ARB2A: variants seen among roughly 807,000 people sequenced by gnomAD.
ARB2A encodes cotranscriptional regulator ARB2A.
the ARB2A span, among the ~76,000 whole-genome samples, chr5:93,801,741 C>T: frequency 6.6e-6 from 1 of 151,966 alleles, no homozygotes. Flanking sequence ...AAAAAAAATT[C>T]CACCCAGCAC....
chr5:93,635,291 C>T, the ARB2A span, among the ~76,000 whole-genome samples: 1 of 152,094 alleles, frequency 6.6e-6, no homozygotes, highest in African/African-American at 2.4e-5. Flanking sequence ...TCAATATTTA[C>T]AAACTAGTTA....
At chr5:93,834,846 T>A in the ARB2A span, among the ~76,000 whole-genome samples, 1 of 152,156 alleles carries the variant, frequency 6.6e-6, no homozygotes, top group Non-Finnish European at 1.5e-5. Flanking sequence ...TTATCAGCAG[T>A]GTATTTTGAG....
chr5:93,754,520 C>G, the ARB2A span, among the ~76,000 whole-genome samples: 1 of 152,238 alleles, frequency 6.6e-6, no homozygotes, highest in Non-Finnish European at 1.5e-5. Context: ...CTTCTCCAAA[C>G]ACAGCCCCAG....
chr5:94,090,064 A>G, the ARB2A span, among the ~76,000 whole-genome samples: 1 of 152,320 alleles, frequency 6.6e-6, no homozygotes, highest in African/African-American at 2.4e-5. Flanking sequence ...TGGAATAAAT[A>G]TTCATCTGAC....
the ARB2A span, among the ~76,000 whole-genome samples, chr5:94,000,067 T>C: frequency 2.0e-5 from 3 of 152,124 alleles, no homozygotes; most frequent in Non-Finnish European, 4.4e-5. Context: ...CATTCGCCTA[T>C]TGAAGACCAT....
chr5:93,895,117 G>T, the ARB2A span, among the ~76,000 whole-genome samples: 1 of 152,150 alleles, frequency 6.6e-6, no homozygotes, highest in Non-Finnish European at 1.5e-5. Context: ...GTATCAAACA[G>T]TAATAAAGAG....
chr5:93,829,838 A>C, the ARB2A span, among the ~76,000 whole-genome samples: 6 of 152,208 alleles, frequency 3.9e-5, no homozygotes, highest in African/African-American at 1.4e-4. Context: ...AAAAATGAGG[A>C]TAGTGGTTAA....
At chr5:93,656,830 T>A in the ARB2A span, among the ~76,000 whole-genome samples, 1 of 151,890 alleles carries the variant, frequency 6.6e-6, no homozygotes, top group Non-Finnish European at 1.5e-5. Flanking sequence ...TTAAACTTAG[T>A]TTTGGAGGAC....
the ARB2A span, among the ~76,000 whole-genome samples, chr5:93,625,313 A>G: frequency 6.6e-6 from 1 of 152,338 alleles, no homozygotes; most frequent in East Asian, 1.9e-4. Flanking sequence ...TCAGGACAGT[A>G]AAAGCACGGC....
chr5:93,857,195 G>A, the ARB2A span, among the ~76,000 whole-genome samples: 3 of 152,156 alleles, frequency 2.0e-5, no homozygotes, highest in Admixed American at 2.0e-4. Context: ...TGCCCCTACT[G>A]GGTGGTGCCT....
the ARB2A span, among the ~76,000 whole-genome samples, chr5:93,644,789 T>C: frequency 6.6e-6 from 1 of 152,190 alleles, no homozygotes; most frequent in Non-Finnish European, 1.5e-5. Flanking sequence ...TGTCAACAAA[T>C]ACAATGACCT....
chr5:93,917,163 G>A, the ARB2A span, among the ~76,000 whole-genome samples: 1 of 152,042 alleles, frequency 6.6e-6, no homozygotes, highest in African/African-American at 2.4e-5. Context: ...CAGTGGCTAG[G>A]GCTAGCATTT....
chr5:94,025,606 T>G, the ARB2A span, among the ~76,000 whole-genome samples: 1 of 152,098 alleles, frequency 6.6e-6, no homozygotes, highest in African/African-American at 2.4e-5. Context: ...GCGAAACCAA[T>G]AGCAGTGAAG....
chr5:94,038,217 C>A, the ARB2A span, among the ~76,000 whole-genome samples: 2 of 152,024 alleles, frequency 1.3e-5, no homozygotes, highest in Non-Finnish European at 2.9e-5. Flanking sequence ...GATAAAATTT[C>A]ACAAGTTACA....
At chr5:93,909,598 T>C in the ARB2A span, among the ~76,000 whole-genome samples, 1 of 150,982 alleles carries the variant, frequency 6.6e-6, no homozygotes, top group Non-Finnish European at 1.5e-5. Context: ...TAGTCTAACA[T>C]TTAAAAATAG....
the ARB2A span, among the ~76,000 whole-genome samples, chr5:93,678,711 G>A: frequency 2.6e-5 from 4 of 151,900 alleles, no homozygotes; most frequent in East Asian, 1.9e-4. Context: ...AGCAGAGAGC[G>A]GGCCATTACA....
At chr5:93,846,425 C>T in the ARB2A span, among the ~76,000 whole-genome samples, 1 of 151,868 alleles carries the variant, frequency 6.6e-6, no homozygotes, top group Non-Finnish European at 1.5e-5. Context: ...TTGCTTGAGC[C>T]CAGGAATTCC....
At chr5:94,066,465 CAT>C in the ARB2A span, among the ~76,000 whole-genome samples, 2,933 of 140,448 alleles carry the variant, frequency 0.021, 87 homozygotes, top group African/African-American at 0.075. Context: ...CACACACACA[CAT>C]AAAAACCCAG....
chr5:93,710,678 C>A, the ARB2A span, among the ~76,000 whole-genome samples: 3 of 151,932 alleles, frequency 2.0e-5, no homozygotes, highest in Non-Finnish European at 4.4e-5. Context: ...CATAAGGAAC[C>A]AATGTATTTT....
Sources: allele counts gnomAD v4.1 joint callset (sites outside exome capture counted in the v4.1 genomes callset), GRCh38; gene constraint gnomAD v4.1.1; transcripts MANE v1.5; gene names NCBI Gene and HGNC (gene_info 2026-07-23, HGNC 2026-07-21).